The following LOXHD1 variants were observed in gnomAD, a reference collection of about 807,000 sequenced individuals.
LOXHD1 encodes the protein lipoxygenase homology PLAT domains 1.
A neutral mutation model predicts 248.2 loss-of-function variants in LOXHD1; 205 were observed. The observed-to-expected ratio is 0.83, with a 90% CI of 0.74 to 0.93. The LOEUF is 0.93. LOXHD1 is among the 40% of genes least tolerant of loss of function. LOXHD1 has a pLI of 0.00. For synonymous variants in LOXHD1, 1,113 were observed against 1,162.8 expected (o/e 0.96, Z 0.87); for missense variants, 2,930 against 2,971.6 (o/e 0.99, Z 0.33).
At chr18:46,506,334 TATAGGCTGGCTTTACAGTTTAGAAAC>T (rs2034571223) in intron 36 of LOXHD1, among the ~76,000 whole-genome samples, 2 of 152,326 alleles carry the variant, frequency 1.3e-5, no homozygotes, top group South Asian at 4.1e-4. Flanking sequence ...AGGCGTGTCA[TATAGGCTGGCTTTACAGTTTAGAAAC>T]ATAGGCTACC....
intron 1 of LOXHD1, among the ~76,000 whole-genome samples, chr18:46,655,126 T>C (rs181133055): frequency 4.6e-5 from 7 of 152,336 alleles, no homozygotes; most frequent in African/African-American, 1.7e-4. Flanking sequence ...GCATGGTGCA[T>C]GATCCTATTT....
intron 4 of LOXHD1, among the ~76,000 whole-genome samples, chr18:46,631,860 C>G (rs921172850): frequency 6.6e-6 from 1 of 152,202 alleles, no homozygotes; most frequent in Non-Finnish European, 1.5e-5. Flanking sequence ...AATCTCTGAA[C>G]AGATTAGCAC....
chr18:46,594,366 T>A lies in LOXHD1; in HGVS notation c.1235A>T (p.Tyr412Phe), dbSNP rs1263851545. 6.4e-7 allele frequency: 1 copy of A among 1,551,684 alleles called. No individual in the cohort carries two copies. Residue 412 changes from tyrosine (Y) to phenylalanine (F), a missense_variant, in exon 9 of 41, where the codon TAT (tyrosine) becomes TTT (phenylalanine). Coordinates refer to ENST00000642948, the MANE Select transcript of LOXHD1 (RefSeq NM_001384474.1). Reference protein sequence around the residue: ...KADGLIERQLYEMVSLRKKRL... With the variant: ...KADGLIERQLFEMVSLRKKRL... ...CTTCTTCCTGAGAGACACCATCTCA[T>A]AGAGCTGCCTCTCAATCAACCCATC...
intron 20 of LOXHD1, 25 bp downstream of exon 20, chr18:46,559,423 C>T (rs1479983179): frequency 6.4e-7 from 1 of 1,551,836 alleles, no homozygotes; most frequent in Non-Finnish European, 8.7e-7. Flanking sequence ...AGCCCCCACC[C>T]AGGGGCCAGA....
intron 5 of LOXHD1, among the ~76,000 whole-genome samples, chr18:46,613,097 T>C (rs765145606): frequency 3.7e-4 from 56 of 152,260 alleles, no homozygotes; most frequent in Non-Finnish European, 6.6e-4. Flanking sequence ...GGCTTAGCCC[T>C]ACATGAATAT....
At chr18:46,597,787 C>G (rs569333513) in intron 8 of LOXHD1, among the ~76,000 whole-genome samples, 21 of 150,478 alleles carry the variant, frequency 1.4e-4, no homozygotes, top group African/African-American at 4.9e-4. Flanking sequence ...GATGGAGTCT[C>G]GCTCTGTTGC....
chr18:46,619,877 CCTAA>C (rs774753416), intron 4 of LOXHD1, among the ~76,000 whole-genome samples: 10 of 152,124 alleles, frequency 6.6e-5, no homozygotes, highest in African/African-American at 1.9e-4. Flanking sequence ...AATTCTTGTC[CCTAA>C]CTGAGAGCTC....
intron 40 of LOXHD1, among the ~76,000 whole-genome samples, chr18:46,480,605 C>A (rs1360594877): frequency 3.3e-5 from 5 of 152,030 alleles, no homozygotes; most frequent in Non-Finnish European, 5.9e-5. Context: ...AAAGCTCTGG[C>A]TTTGGAAGGA....
intron 14 of LOXHD1, among the ~76,000 whole-genome samples, chr18:46,572,655 CTT>C (rs2037775745): frequency 6.6e-6 from 1 of 152,126 alleles, no homozygotes; most frequent in Non-Finnish European, 1.5e-5. Context: ...ACAAGCACCT[CTT>C]TTTCTAAGAG....
rs563541839 is a variant in LOXHD1 at position 46,484,895 on chromosome 18, C to G, written c.6182+124G>C. The G allele has an allele frequency of 6.5e-5, 77 of 1,182,096 alleles. No homozygotes were observed. The African/African-American group carries it at 1.1e-3, about 17-fold the overall frequency. 73.2% of individuals were successfully genotyped at this position (1,182,096 alleles called of 1,614,324 possible). A position where few individuals can be genotyped will look rare whatever the true frequency, so the allele number is the denominator to read the frequency against. ...GCACAGGATTGGCACACAGTAGGTGCTCAGTAAGTACTTGCTGGTTAGGCC... is the reference window on the plus strand; with the variant it reads ...GCACAGGATTGGCACACAGTAGGTGGTCAGTAAGTACTTGCTGGTTAGGCC... On this transcript the variant is annotated intron_variant, in intron 39 of 40. Coordinates refer to ENST00000642948, the MANE Select transcript of LOXHD1 (RefSeq NM_001384474.1).
intron 4 of LOXHD1, among the ~76,000 whole-genome samples, chr18:46,619,946 C>T (rs114576302): frequency 0.012 from 1,777 of 152,292 alleles, 30 homozygotes; most frequent in African/African-American, 0.04. Context: ...AGTGAAGATC[C>T]TCTGAGACTG....
intron 24 of LOXHD1, 49 bp downstream of exon 24, chr18:46,542,678 C>A (rs1341247672): frequency 3.2e-6 from 5 of 1,545,892 alleles, no homozygotes; most frequent in South Asian, 1.2e-5. Flanking sequence ...AAGGACCTGT[C>A]CATGGTCCTT....
chr18:46,628,094 G>A (rs747541866), intron 4 of LOXHD1, among the ~76,000 whole-genome samples: 97 of 152,244 alleles, frequency 6.4e-4, no homozygotes, highest in Non-Finnish European at 1.1e-3. Flanking sequence ...GCCCAAGACT[G>A]CAGCTCTGCC....
chr18:46,560,052 T>TGGCCCCCCCCCC, intron 19 of LOXHD1, 31 bp downstream of exon 19: 2 of 441,130 alleles, frequency 4.5e-6, no homozygotes, highest in South Asian at 2.8e-5. Flanking sequence ...GGCCACTCCC[T>TGGCCCCCCCCCC]CCCCACCCCC....
At chr18:46,578,566 C>G (rs2086219530) in intron 13 of LOXHD1, among the ~76,000 whole-genome samples, 2 of 152,186 alleles carry the variant, frequency 1.3e-5, no homozygotes, top group South Asian at 4.1e-4. Context: ...CCACTGCAGC[C>G]TTCAAATGGC....
chr18:46,497,344 C>A, intron 37 of LOXHD1, among the ~76,000 whole-genome samples: 1 of 152,170 alleles, frequency 6.6e-6, no homozygotes, highest in East Asian at 1.9e-4. Context: ...GTGCTGAACC[C>A]GCCTCTTTCA....
Position 46,657,151 on chromosome 18 carries a change from C to A in LOXHD1, c.-118G>T. On this transcript the variant is annotated 5_prime_UTR_variant, in exon 1 of 41. The change creates a new upstream start codon in the 5' untranslated region. Transcript: ENST00000642948. ...CCCACGGCCCTCCTATAGCTCAGGC[C>A]TGGGTGGGCCAGAGTGCCCCGTTTT... The A allele has an allele frequency of 6.7e-7, 1 of 1,495,724 alleles. No homozygotes were observed. The highest frequency in any genetic ancestry group is 9.0e-7 in the Non-Finnish European group (1 of 1,114,530). The allele number at this position is 1,495,724 out of a possible 1,614,324, so 92.7% of individuals were successfully genotyped here.
intron 4 of LOXHD1, among the ~76,000 whole-genome samples, chr18:46,624,410 G>C (rs1328987240): frequency 6.6e-6 from 1 of 152,222 alleles, no homozygotes; most frequent in Non-Finnish European, 1.5e-5. Context: ...CAGATGTGGG[G>C]AGGGGTTGGT....
At position 46,483,761 on chromosome 18, in the gene LOXHD1, G is replaced by C. The variant is rs1260849055; in HGVS notation, c.6183-16C>G. 11 of 1,549,228 alleles carry C rather than the reference G, an allele frequency of 7.1e-6. No individual in the cohort carries two copies. In the Admixed American group the frequency reaches 1.4e-4, roughly 19 times the overall value. On this transcript the variant is annotated splice_polypyrimidine_tract_variant and intron_variant, in intron 39 of 40. Coordinates refer to ENST00000642948, the MANE Select transcript of LOXHD1 (RefSeq NM_001384474.1). Reference sequence around the variant, plus strand: ...TGTGGTCCCCCTGCAGGAAACAAAAGTGTGGTCCATGAGCTGCCTTTGCCC... The same window carrying C: ...TGTGGTCCCCCTGCAGGAAACAAAACTGTGGTCCATGAGCTGCCTTTGCCC...
Sources: gnomAD v4.1 joint callset for allele counts (sites outside exome capture counted in the v4.1 genomes callset) on GRCh38, gnomAD v4.1.1 for gene constraint, MANE v1.5 for transcripts, NCBI Gene and HGNC (gene_info 2026-07-23, HGNC 2026-07-21) for gene names.